Variants in MAPK10 observed in about 807,000 individuals in gnomAD.
MAPK10 encodes JNK3 alpha protein kinase.
In MAPK10, 25 loss-of-function variants were observed where a neutral mutation model predicts 59.3. The observed-to-expected ratio is 0.42, with a 90% CI of 0.31 to 0.59. The LOEUF (loss-of-function observed/expected upper bound fraction) is 0.59, where lower values mean the gene tolerates loss of function less well. MAPK10 is among the 20% of genes least tolerant of loss of function. The probability of loss-of-function intolerance (pLI) is 0.15; values close to 1 mark genes in which losing one functional copy is unlikely to be tolerated. For missense variants in MAPK10, 351 were observed against 568.9 expected (o/e 0.62, Z 3.90); for synonymous variants, 190 against 200.5 (o/e 0.95, Z 0.44).
At chr4:86,347,178 C>T (rs1728738152) in intron 2 of MAPK10, among the ~76,000 whole-genome samples, 1 of 152,088 alleles carries the variant, frequency 6.6e-6, no homozygotes. Context: ...TAAATTATCA[C>T]ATAAAATGAA....
intron 2 of MAPK10, among the ~76,000 whole-genome samples, chr4:86,199,796 G>A (rs192689883): frequency 6.6e-6 from 1 of 152,088 alleles, no homozygotes; most frequent in Admixed American, 6.6e-5. Context: ...GTCCTTCAGT[G>A]TTCTGCTGGG....
intron 13 of MAPK10, among the ~76,000 whole-genome samples, chr4:86,021,751 C>T (rs1289266730): frequency 2.0e-5 from 3 of 152,244 alleles, no homozygotes; most frequent in East Asian, 1.9e-4. Context: ...AGCCTTGCCC[C>T]GCAGGAAGGC....
rs187177301 is a variant in MAPK10, at chr4:86,339,567, C to T, written c.-7+14963G>A. On this transcript the variant is annotated intron_variant, in intron 2 of 13. Transcript: ENST00000641462. ...AATTTTCTTTTCCAAATATATTCAA[C>T]TATTTCCTTTATTGTTGTAGAGCAT... 7.9e-5 allele frequency among the ~76,000 whole-genome samples: 12 copies of T among 152,300 alleles called. No individual in the cohort carries two copies. In the East Asian group the frequency reaches 2.3e-3, roughly 29 times the overall value.
intron 2 of MAPK10, among the ~76,000 whole-genome samples, chr4:86,215,306 T>C (rs139794510): frequency 9.2e-5 from 14 of 152,328 alleles, no homozygotes; most frequent in Non-Finnish European, 1.9e-4. Flanking sequence ...ACAATCAAAC[T>C]GTTATAAGAC....
At chr4:86,496,104 A>G (rs1357084706) in intron 1 of MAPK10, among the ~76,000 whole-genome samples, 1 of 152,242 alleles carries the variant, frequency 6.6e-6, no homozygotes, top group Admixed American at 6.5e-5. Flanking sequence ...AGAAAAGTTC[A>G]AAAAAGCCCA....
intron 4 of MAPK10, chr4:86,126,008 A>T (rs1193519479): frequency 6.6e-6 from 1 of 152,108 alleles, no homozygotes; most frequent in African/African-American, 2.4e-5. Flanking sequence ...TACATGCAGG[A>T]CATATAATTA....
At chr4:86,471,564 A>G (rs1190515574) in intron 1 of MAPK10, among the ~76,000 whole-genome samples, 1 of 152,158 alleles carries the variant, frequency 6.6e-6, no homozygotes, top group Non-Finnish European at 1.5e-5. Context: ...GTTTAAAGTA[A>G]TTATATAAAA....
At chr4:86,084,739 A>G (rs1004182713) in intron 9 of MAPK10, among the ~76,000 whole-genome samples, 1 of 144,708 alleles carries the variant, frequency 6.9e-6, no homozygotes, top group African/African-American at 2.9e-5. Context: ...CACAGATAGA[A>G]AACACAATCC....
chr4:86,359,615 C>T (rs1357759647), intron 1 of MAPK10, 43 bp downstream of exon 1: 1 of 941,514 alleles, frequency 1.1e-6, no homozygotes, highest in African/African-American at 1.8e-5. Context: ...ACCCCACCCT[C>T]CAAAAACAGG....
intron 4 of MAPK10, among the ~76,000 whole-genome samples, chr4:86,136,258 G>C (rs1332619162): frequency 6.6e-6 from 1 of 152,022 alleles, no homozygotes; most frequent in Non-Finnish European, 1.5e-5. Flanking sequence ...TTGAAATAAA[G>C]GAAAAAATGT....
At chr4:86,063,491 T>C (rs1212642437) in intron 11 of MAPK10, among the ~76,000 whole-genome samples, 2 of 152,016 alleles carry the variant, frequency 1.3e-5, no homozygotes, top group Non-Finnish European at 2.9e-5. Flanking sequence ...GATAGAAACA[T>C]TTAAAGGCAG....
At chr4:86,567,291 G>T (rs574482220) in intron 1 of MAPK10, among the ~76,000 whole-genome samples, 1 of 151,642 alleles carries the variant, frequency 6.6e-6, no homozygotes, top group African/African-American at 2.4e-5. Context: ...TACAACTTCA[G>T]CTCACTGCAA....
At chr4:86,370,965 T>C (rs932523002) in intron 1 of MAPK10, 39 of 152,192 alleles carry the variant, frequency 2.6e-4, no homozygotes, top group African/African-American at 8.9e-4. Flanking sequence ...GGAAAACATA[T>C]CTTGTTTGGA....
chr4:86,223,400 T>C (rs1408032219), intron 2 of MAPK10, among the ~76,000 whole-genome samples: 2 of 152,192 alleles, frequency 1.3e-5, no homozygotes, highest in Non-Finnish European at 2.9e-5. Context: ...CCTGTGAACA[T>C]TGTCCTGTTC....
intron 1 of MAPK10, among the ~76,000 whole-genome samples, chr4:86,476,039 T>C (rs1307038074): frequency 6.6e-6 from 1 of 152,178 alleles, no homozygotes; most frequent in Non-Finnish European, 1.5e-5. Flanking sequence ...TATCATAAAA[T>C]GGGCAAACGG....
At chr4:86,051,607 TCAC>T (rs2148960999) in intron 11 of MAPK10, among the ~76,000 whole-genome samples, 1 of 152,306 alleles carries the variant, frequency 6.6e-6, no homozygotes, top group African/African-American at 2.4e-5. Flanking sequence ...TGTCTTCACA[TCAC>T]CACACATATT....
intron 1 of MAPK10, among the ~76,000 whole-genome samples, chr4:86,433,721 C>T (rs970700485): frequency 2.0e-5 from 3 of 151,952 alleles, no homozygotes; most frequent in African/African-American, 7.3e-5. Context: ...TCTTTAAAAA[C>T]TGCTGGACCA....
intron 1 of MAPK10, among the ~76,000 whole-genome samples, chr4:86,487,924 C>T (rs1754135148): frequency 6.6e-6 from 1 of 151,920 alleles, no homozygotes; most frequent in Non-Finnish European, 1.5e-5. Flanking sequence ...AGGTAGATTG[C>T]ACAATAGTCT....
intron 3 of MAPK10, among the ~76,000 whole-genome samples, chr4:86,182,200 G>C (rs1172242507): frequency 6.6e-6 from 1 of 151,748 alleles, no homozygotes; most frequent in Non-Finnish European, 1.5e-5. Flanking sequence ...ACTTGGTTGG[G>C]TTAAAAAAAA....
Sources: gnomAD v4.1 joint callset for allele counts (sites outside exome capture counted in the v4.1 genomes callset) on GRCh38, gnomAD v4.1.1 for gene constraint, MANE v1.5 for transcripts, NCBI Gene and HGNC (gene_info 2026-07-23, HGNC 2026-07-21) for gene names.